Variants in C3orf20 observed in about 807,000 individuals in gnomAD.
The protein encoded by C3orf20 is family with sequence similarity 149 member C.
Under a neutral mutation model 88.3 loss-of-function variants are expected in C3orf20, and 76 were observed. The ratio of observed to expected loss-of-function variants is 0.86; its 90% CI spans 0.72 to 1.04. The LOEUF (loss-of-function observed/expected upper bound fraction) is 1.04, where lower values mean the gene tolerates loss of function less well. C3orf20 is among the 50% of genes least tolerant of loss of function. The probability of loss-of-function intolerance (pLI) is 0.00; values close to 1 mark genes in which losing one functional copy is unlikely to be tolerated. For synonymous variants in C3orf20, 436 were observed against 437.4 expected (o/e 1.00, Z 0.04); for missense variants, 1,056 against 1,123.3 (o/e 0.94, Z 0.86).
chr3:14,717,131 G>A (rs1473328035), intron 9 of C3orf20, among the ~76,000 whole-genome samples: 6 of 152,180 alleles, frequency 3.9e-5, no homozygotes, highest in African/African-American at 4.8e-5. Context: ...GCAACTTTGC[G>A]AAAACCTTTC....
chr3:14,767,322 G>C (rs2035740863), intron 15 of C3orf20: 1 of 152,466 alleles, frequency 6.6e-6, no homozygotes, highest in Non-Finnish European at 1.5e-5. Context: ...AGTCTGGTGG[G>C]TGAGCTTCCT....
chr3:14,701,938 G>A lies in C3orf20; in HGVS notation c.746-1192G>A, dbSNP rs2033280185. 6.6e-6 allele frequency among the ~76,000 whole-genome samples: 1 copy of A among 152,110 alleles called. No individual in the cohort carries two copies. Among genetic ancestry groups the A allele is most frequent in the African/African-American group, 2.4e-5 (1 of 41,402 alleles). ...ATGACCAGTCAACAATTCCTGGTGA[G>A]CATCAATGATACCCCCAATATTCTG... On this transcript the variant is annotated intron_variant, in intron 5 of 16. Transcript: ENST00000253697. This position sits in a 1 kb window ranked among gnomAD's most constrained non-coding sequence, Gnocchi z 4.6.
chr3:14,749,567 T>C (rs2035160271), intron 12 of C3orf20, among the ~76,000 whole-genome samples: 1 of 152,226 alleles, frequency 6.6e-6, no homozygotes, highest in Admixed American at 6.5e-5. Context: ...TGAGTTTTGT[T>C]TAAGACTTTA....
intron 5 of C3orf20, among the ~76,000 whole-genome samples, chr3:14,693,945 T>C (rs1212951284): frequency 1.3e-5 from 2 of 152,238 alleles, no homozygotes; most frequent in African/African-American, 2.4e-5. Context: ...TCAGTTGAAA[T>C]GGCCATAGGG....
In C3orf20 at chr3:14,714,057, G is replaced by T; in HGVS notation, c.1211G>T (p.Gly404Val). ...TGTCAGATCCCCACATGCTGCAGAGGGAGAACCATCACCTGCCTCTTTAAT... is the reference window on the plus strand; with the variant it reads ...TGTCAGATCCCCACATGCTGCAGAGTGAGAACCATCACCTGCCTCTTTAAT... ...AVCQIPTCCR[G>V]RTITCLFNDI... The change falls in exon 8 of 17, where the codon GGG becomes GTG. Residue 404 changes from glycine (G) to valine (V), a missense_variant. Transcript: ENST00000253697. The T allele has an allele frequency of 6.2e-7, 1 of 1,614,088 alleles. No individual in the cohort carries two copies. Among genetic ancestry groups the T allele is most frequent in the East Asian group, 2.2e-5 (1 of 44,880 alleles).
chr3:14,688,044 G>C (rs762902296), intron 4 of C3orf20, among the ~76,000 whole-genome samples: 2 of 152,146 alleles, frequency 1.3e-5, no homozygotes, highest in African/African-American at 4.8e-5. Context: ...AAACAAAAAC[G>C]AAGGAGTGAT....
In C3orf20 at chr3:14,682,952, T is replaced by C; in HGVS notation, c.239T>C (p.Leu80Pro). The change falls in exon 3 of 17, where the codon CTC (leucine) becomes CCC (proline). Residue 80 changes from leucine to proline, a missense_variant. Physicochemically the swap from Leu to Pro is moderately conservative, Grantham distance 98. Coordinates refer to ENST00000253697, the MANE Select transcript of C3orf20 (RefSeq NM_032137.5). ...EVSFGAPLVVLMEPTFVQVPT... is the reference protein window; with the variant it reads ...EVSFGAPLVVPMEPTFVQVPT... ...AGCTTTGGAGCCCCCCTGGTGGTGC[T>C]CATGGAACCCACCTTTGTGCAGGTC... 2 of 1,614,076 alleles carry C rather than the reference T, an allele frequency of 1.2e-6. No homozygotes were observed. The highest frequency in any genetic ancestry group is 1.7e-6 in the Non-Finnish European group (2 of 1,180,000).
At chr3:14,757,192 G>C (rs1189727158) in intron 12 of C3orf20, among the ~76,000 whole-genome samples, 179 bp from the exon 13 acceptor site, 3 of 152,202 alleles carry the variant, frequency 2.0e-5, no homozygotes, top group Non-Finnish European at 4.4e-5. Context: ...TTTGCACTGT[G>C]GAAAGAGGCC....
chr3:14,680,982 G>A (rs563908717), intron 1 of C3orf20, among the ~76,000 whole-genome samples: 3 of 152,360 alleles, frequency 2.0e-5, no homozygotes, highest in Admixed American at 6.5e-5. Flanking sequence ...ACAAATAGGC[G>A]TAGGAAGCCA....
intron 1 of C3orf20, among the ~76,000 whole-genome samples, chr3:14,675,656 C>T (rs887423575): frequency 6.6e-5 from 10 of 151,910 alleles, no homozygotes; most frequent in Non-Finnish European, 1.5e-4. Flanking sequence ...TCAATTGAAA[C>T]AGCTTCTTTC....
At chr3:14,695,667 C>T (rs556633250) in intron 5 of C3orf20, among the ~76,000 whole-genome samples, 8 of 152,246 alleles carry the variant, frequency 5.3e-5, no homozygotes, top group Middle Eastern at 6.8e-3. Context: ...ATACGTCTGG[C>T]TGCTCCAGTG....
chr3:14,740,968 A>G (rs1408951925), intron 12 of C3orf20, among the ~76,000 whole-genome samples: 1 of 152,210 alleles, frequency 6.6e-6, no homozygotes, highest in Non-Finnish European at 1.5e-5. Flanking sequence ...GCATTTCTAT[A>G]AGTCTGTTTC....
intron 12 of C3orf20, among the ~76,000 whole-genome samples, chr3:14,736,024 C>T (rs1452932471): frequency 6.6e-6 from 1 of 152,054 alleles, no homozygotes; most frequent in African/African-American, 2.4e-5. Context: ...GGTAAGTTGG[C>T]TTTTTCTAGG....
chr3:14,740,770 G>A (rs1307727605), intron 12 of C3orf20, among the ~76,000 whole-genome samples: 1 of 151,472 alleles, frequency 6.6e-6, no homozygotes, highest in Admixed American at 6.6e-5. Flanking sequence ...TTTTAACTGT[G>A]TCTAATGTGC....
At chr3:14,727,812 A>G (rs1033889372) in intron 11 of C3orf20, among the ~76,000 whole-genome samples, 1 of 152,030 alleles carries the variant, frequency 6.6e-6, no homozygotes, top group Non-Finnish European at 1.5e-5. Flanking sequence ...CACTTTGTAC[A>G]TGTTCTAATT....
chr3:14,738,567 G>A (rs1203843539), intron 12 of C3orf20, among the ~76,000 whole-genome samples: 4 of 149,306 alleles, frequency 2.7e-5, no homozygotes, highest in Admixed American at 1.3e-4. Context: ...TCCTGACCTC[G>A]TGATCTGCCC....
At chr3:14,751,488 T>C (rs1037586240) in intron 12 of C3orf20, among the ~76,000 whole-genome samples, 2 of 152,018 alleles carry the variant, frequency 1.3e-5, no homozygotes, top group Admixed American at 6.6e-5. Context: ...CATGAGTGAA[T>C]GGTAAGAAAA....
intron 9 of C3orf20, among the ~76,000 whole-genome samples, chr3:14,716,318 G>C (rs1166045593): frequency 6.6e-6 from 1 of 152,232 alleles, no homozygotes; most frequent in East Asian, 1.9e-4. Context: ...AACTGTGAGA[G>C]AGGGGCAAGT....
chr3:14,717,093 A>G (rs1435563669), intron 9 of C3orf20, among the ~76,000 whole-genome samples: 2 of 152,232 alleles, frequency 1.3e-5, no homozygotes, highest in Non-Finnish European at 2.9e-5. Flanking sequence ...GCTAAGTACT[A>G]GTGCCAACTT....
Sources: gnomAD v4.1 joint callset for allele counts (sites outside exome capture counted in the v4.1 genomes callset) on GRCh38, gnomAD v4.1.1 for gene constraint, Gnocchi (gnomAD v3.1) non-coding constraint, MANE v1.5 for transcripts, NCBI Gene and HGNC (gene_info 2026-07-23, HGNC 2026-07-21) for gene names.